Variants in AFF2 observed in about 807,000 individuals in gnomAD.
The protein encoded by AFF2 is ALF transcription elongation factor 2, also known as AF4/FMR2 family member 2.
AFF2 carries 14 observed loss-of-function variants against 76.9 expected under a neutral mutation model. The ratio of observed to expected loss-of-function variants is 0.18; its 90% CI spans 0.12 to 0.28. AFF2 has a LOEUF of 0.28. Among genes scored for constraint, AFF2 ranks in the 10% least tolerant of loss-of-function variants. The pLI is 1.00. For synonymous variants in AFF2, 398 were observed against 366.7 expected, an observed-to-expected ratio of 1.09 and a Z score of -0.98; for missense variants, 868 against 1,001.1, an observed-to-expected ratio of 0.87 and a Z score of 1.79.
chrX:148,889,808 G>A (rs1557279530), intron 8 of AFF2, among the ~76,000 whole-genome samples: 1 of 111,210 alleles, frequency 9.0e-6, no homozygotes, highest in Non-Finnish European at 1.9e-5. Context: ...GTTGACCTTG[G>A]GCAAAGACCT....
chrX:148,712,383 A>T (rs1271424730), intron 3 of AFF2, among the ~76,000 whole-genome samples: 1 of 111,662 alleles, frequency 9.0e-6, no homozygotes, highest in Admixed American at 9.6e-5. Context: ...GTAAAGTAGA[A>T]TTTCATATAT....
At chrX:148,802,249 C>T (rs1021034447) in intron 3 of AFF2, among the ~76,000 whole-genome samples, 30 of 111,837 alleles carry the variant, frequency 2.7e-4, no homozygotes, top group African/African-American at 9.4e-4. Flanking sequence ...TCGCATAACC[C>T]GGTGACCAGC....
chrX:148,555,397 G>A (rs782207195), intron 1 of AFF2, among the ~76,000 whole-genome samples: 14 of 112,255 alleles, frequency 1.2e-4, no homozygotes, highest in African/African-American at 3.6e-4. Context: ...CACCCACTGA[G>A]TACTTGACCA....
intron 6 of AFF2, among the ~76,000 whole-genome samples, 158 bp from the exon 7 acceptor site, chrX:148,843,224 G>A (rs2070622366): frequency 9.2e-6 from 1 of 108,403 alleles, no homozygotes; most frequent in Admixed American, 9.8e-5. Context: ...CCAGTCCCGT[G>A]ATATATCTAA....
chrX:148,681,536 A>ATG (rs35711893), intron 3 of AFF2, among the ~76,000 whole-genome samples: 1,762 of 98,013 alleles, frequency 0.018, 18 homozygotes, highest in Middle Eastern at 0.03. Flanking sequence ...GTGCTAAAAG[A>ATG]TGTGTGTGTG....
chrX:148,584,295 GAA>G (rs199573582), intron 1 of AFF2, among the ~76,000 whole-genome samples: 5 of 109,166 alleles, frequency 4.6e-5, no homozygotes, highest in East Asian at 2.8e-4. Context: ...CTCTTTACAA[GAA>G]AAAAAAAGTC....
intron 3 of AFF2, among the ~76,000 whole-genome samples, chrX:148,804,518 C>G (rs1339212224): frequency 4.4e-5 from 5 of 112,651 alleles, no homozygotes; most frequent in Non-Finnish European, 9.4e-5. Flanking sequence ...GATCTTCATG[C>G]TCTACTTTTT....
At chrX:148,828,186 G>T (rs2070411731) in intron 4 of AFF2, among the ~76,000 whole-genome samples, 1 of 112,257 alleles carries the variant, frequency 8.9e-6, no homozygotes, top group Non-Finnish European at 1.9e-5. Context: ...CTTTTGAAAA[G>T]AGTTACAATG....
At chrX:148,593,630 G>A (rs1288502578) in intron 1 of AFF2, among the ~76,000 whole-genome samples, 4 of 112,034 alleles carry the variant, frequency 3.6e-5, no homozygotes, top group African/African-American at 1.3e-4. Context: ...TGGTACTGTG[G>A]ACTTGGGAAA....
At chrX:148,963,415 TCTTG>T (rs1167783212) in intron 13 of AFF2, among the ~76,000 whole-genome samples, 1 of 111,998 alleles carries the variant, frequency 8.9e-6, no homozygotes, top group Non-Finnish European at 1.9e-5. Flanking sequence ...GACACTTAAC[TCTTG>T]TATAGTGCTA....
At chrX:148,841,020 T>A (rs1211757938) in intron 5 of AFF2, among the ~76,000 whole-genome samples, 1 of 112,559 alleles carries the variant, frequency 8.9e-6, no homozygotes, top group Non-Finnish European at 1.9e-5. Flanking sequence ...AACACAATCT[T>A]CCAGTTTGCT....
At chrX:148,823,778 C>T (rs1463951043) in intron 4 of AFF2, among the ~76,000 whole-genome samples, 2 of 111,439 alleles carry the variant, frequency 1.8e-5, no homozygotes, top group African/African-American at 6.5e-5. Flanking sequence ...TAAGACAGAA[C>T]AAAAAATAAG....
intron 1 of AFF2, among the ~76,000 whole-genome samples, chrX:148,502,184 C>A (rs1361603812): frequency 8.9e-6 from 1 of 112,119 alleles, no homozygotes; most frequent in East Asian, 2.8e-4. Flanking sequence ...CAGTGGTAAC[C>A]GCTTAAAATT....
At chrX:148,573,388 A>G (rs192097752) in intron 1 of AFF2, among the ~76,000 whole-genome samples, 3 of 111,307 alleles carry the variant, frequency 2.7e-5, no homozygotes, top group Non-Finnish European at 5.7e-5. Context: ...GGGAAGTGCT[A>G]TATGGAGTGG....
intron 1 of AFF2, among the ~76,000 whole-genome samples, chrX:148,529,423 T>C (rs1018521949): frequency 1.8e-5 from 2 of 112,350 alleles, no homozygotes; most frequent in Admixed American, 9.5e-5. Flanking sequence ...AAACAAAGTA[T>C]AGGTCAACAC....
chrX:148,527,303 T>C (rs1398944236), intron 1 of AFF2, among the ~76,000 whole-genome samples: 1 of 112,078 alleles, frequency 8.9e-6, no homozygotes, highest in Non-Finnish European at 1.9e-5. Flanking sequence ...ACAAAATAAG[T>C]GCCCCTTTTC....
At chrX:148,864,964 G>A (rs1337071362) in intron 7 of AFF2, among the ~76,000 whole-genome samples, 8 of 111,979 alleles carry the variant, frequency 7.1e-5, no homozygotes, top group African/African-American at 2.3e-4. Flanking sequence ...AATTTATAAT[G>A]TGTTAGCAGT....
intron 1 of AFF2, among the ~76,000 whole-genome samples, chrX:148,641,455 A>G (rs1323713484): frequency 8.9e-6 from 1 of 111,809 alleles, no homozygotes; most frequent in Non-Finnish European, 1.9e-5. Flanking sequence ...TGGAAAGCCA[A>G]AGGAGAGTTG....
chrX:148,667,648 A>T (rs1048411956), intron 3 of AFF2, among the ~76,000 whole-genome samples: 1 of 111,137 alleles, frequency 9.0e-6, no homozygotes, highest in Non-Finnish European at 1.9e-5. Context: ...TGTGCAGGGA[A>T]ACTCCCCCTT....
Sources: allele counts gnomAD v4.1 joint callset (sites outside exome capture counted in the v4.1 genomes callset), GRCh38; gene constraint gnomAD v4.1.1; transcripts MANE v1.5; gene names NCBI Gene and HGNC (gene_info 2026-07-23, HGNC 2026-07-21).